The following MSH3 variants were observed in gnomAD, a reference collection of about 807,000 sequenced individuals.
The protein encoded by MSH3 is DNA mismatch repair protein Msh3.
In MSH3, 106 loss-of-function variants were observed where a neutral mutation model predicts 123.3. That is an observed-to-expected ratio of 0.86 (90% CI 0.73 to 1.01). The LOEUF (loss-of-function observed/expected upper bound fraction) is 1.01, where lower values mean the gene tolerates loss of function less well. MSH3 is among the 50% of genes least tolerant of loss of function. The pLI, the probability that MSH3 is intolerant of heterozygous loss-of-function variation, is 0.00. For synonymous variants in MSH3, 515 were observed against 481.4 expected (o/e 1.07, Z -0.91); for missense variants, 1,459 against 1,347.6 (o/e 1.08, Z -1.29).
chr5:80,686,349 G>A (rs951625285), intron 8 of MSH3, among the ~76,000 whole-genome samples: 5 of 150,730 alleles, frequency 3.3e-5, no homozygotes, highest in African/African-American at 1.2e-4. Context: ...GTCACCCAGG[G>A]GGCAGTGCAG....
At chr5:80,787,449 C>CCTGCTTG in intron 17 of MSH3, 116 bp from the exon 18 acceptor site, 1 of 766,558 alleles carries the variant, frequency 1.3e-6, no homozygotes, top group South Asian at 1.4e-5. Context: ...GTTAGGAATG[C>CCTGCTTG]CTGCTGATCA....
intron 3 of MSH3, among the ~76,000 whole-genome samples, chr5:80,666,953 A>G (rs1749587220): frequency 6.6e-6 from 1 of 152,240 alleles, no homozygotes. Context: ...AATGTATCTG[A>G]TGAGTATTTC....
rs26267 is a variant in MSH3 at position 80,744,855 on chromosome 5, T to G, written c.1763+240T>G. Among the ~76,000 whole-genome samples, 115,504 of 152,020 alleles carry G rather than the reference T, an allele frequency of 0.76. 43,992 individuals are homozygous for G. The highest frequency in any genetic ancestry group is 0.98 in the East Asian group (5,038 of 5,162). ...GGGCGTTGTCCCAGGAAAGTGAGGA[T>G]AGATGCCTTTTGTGGAGGGTTTTGA... On this transcript the variant is annotated intron_variant, in intron 12 of 23. Transcript: ENST00000265081.
intron 10 of MSH3, among the ~76,000 whole-genome samples, chr5:80,739,614 G>A (rs1466636251): frequency 6.6e-6 from 1 of 152,208 alleles, no homozygotes; most frequent in African/African-American, 2.4e-5. Flanking sequence ...ACCAGAGGGA[G>A]AGAAAGGGCT....
At chr5:80,690,302 T>TTTG (rs368913557) in intron 8 of MSH3, among the ~76,000 whole-genome samples, 5 of 152,024 alleles carry the variant, frequency 3.3e-5, no homozygotes, top group Middle Eastern at 3.4e-3. Flanking sequence ...CAGTTCCATT[T>TTTG]TTGTTGTTGT....
chr5:80,787,269 A>C (rs1290256990), intron 17 of MSH3, among the ~76,000 whole-genome samples: 1 of 152,246 alleles, frequency 6.6e-6, no homozygotes, highest in East Asian at 1.9e-4. Flanking sequence ...TATTTATGTT[A>C]TATCTTAAGT....
chr5:80,721,126 A>T (rs1401179871), intron 8 of MSH3, among the ~76,000 whole-genome samples: 6 of 152,120 alleles, frequency 3.9e-5, no homozygotes, highest in Non-Finnish European at 8.8e-5. Context: ...ATATATTAAA[A>T]TTTTTTGGCT....
chr5:80,823,667 C>G (rs1048011081), intron 20 of MSH3, among the ~76,000 whole-genome samples: 1 of 152,002 alleles, frequency 6.6e-6, no homozygotes, highest in Non-Finnish European at 1.5e-5. Flanking sequence ...ATGCCTGAAC[C>G]CTACCTCCAG....
At chr5:80,820,689 A>C (rs1339531986) in intron 20 of MSH3, among the ~76,000 whole-genome samples, 1 of 152,202 alleles carries the variant, frequency 6.6e-6, no homozygotes, top group East Asian at 1.9e-4. Flanking sequence ...AGCTTAACTA[A>C]GTTTTGCCAC....
Position 80,675,169 on chromosome 5 carries a change from T to C in MSH3, c.1173+41T>C, listed in dbSNP as rs754537091. 5.0e-6 allele frequency: 8 copies of C among 1,600,244 alleles called. No individual in the cohort carries two copies. In the East Asian group the frequency reaches 9.0e-5, roughly 18 times the overall value. On this transcript the variant is annotated intron_variant, in intron 7 of 23. Transcript: ENST00000265081. ...GTGAGGAACAAATGTTAGATGTTCA[T>C]GGTATCTCTAAATATGATCTATCAT... is the stretch of plus-strand genomic sequence containing the variant.
intron 8 of MSH3, among the ~76,000 whole-genome samples, chr5:80,682,744 T>C (rs960420497): frequency 3.3e-5 from 5 of 152,366 alleles, no homozygotes; most frequent in Admixed American, 3.3e-4. Flanking sequence ...TTATACTCTT[T>C]TAGTTATTTT....
At chr5:80,767,183 A>G (rs1455837771) in intron 13 of MSH3, among the ~76,000 whole-genome samples, 1 of 150,682 alleles carries the variant, frequency 6.6e-6, no homozygotes, top group Non-Finnish European at 1.5e-5. Flanking sequence ...CAGCGCTACT[A>G]TGAATATTCA....
At chr5:80,818,703 A>G (rs772483958) in intron 20 of MSH3, among the ~76,000 whole-genome samples, 1 of 152,254 alleles carries the variant, frequency 6.6e-6, no homozygotes, top group Non-Finnish European at 1.5e-5. Context: ...AAATGTTTAC[A>G]TATTAAATGA....
At chr5:80,872,983 T>C (rs1298387859) in intron 22 of MSH3, 133 bp from the exon 23 acceptor site, 3 of 820,136 alleles carry the variant, frequency 3.7e-6, no homozygotes, top group Non-Finnish European at 6.1e-6. Flanking sequence ...TAAATGGATC[T>C]AACAGGCAAG....
At position 80,675,029 on chromosome 5, in the gene MSH3, G is replaced by A. The variant is rs1444231656; in HGVS notation, c.1074G>A (p.Glu358=). The A allele has an allele frequency of 1.2e-6, 2 of 1,612,748 alleles. No homozygotes were observed. Among genetic ancestry groups the A allele is most frequent in the South Asian group, 1.1e-5 (1 of 91,044 alleles). The part of the protein sequence containing the change: ...IKLDDAVNVD[E]IMTDTSTSYL... ...TGGATGATGCTGTAAATGTTGATGA[G>A]ATAATGACTGATACTTCTACCAGCT... Residue 358 remains glutamate, a synonymous_variant, in exon 7 of 24, where the codon GAG becomes GAA. Transcript: ENST00000265081.
At position 80,768,111 on chromosome 5, in the gene MSH3, A is replaced by G. The variant is rs771378744; in HGVS notation, c.2075A>G (p.Gln692Arg). Reference protein sequence around the residue: ...VEHYLKILNEQAAKVGDKTEL... With the variant: ...VEHYLKILNERAAKVGDKTEL... The stretch of plus-strand genomic sequence containing the variant: ...CATTACTTAAAGATACTCAATGAAC[A>G]AGCTGCCAAGTAAGTACCAGACCCT... The change falls in exon 14 of 24, where the codon CAA (glutamine) becomes CGA (arginine). Residue 692 changes from glutamine (Q) to arginine (R), a missense_variant. Coordinates refer to ENST00000265081, the MANE Select transcript of MSH3 (RefSeq NM_002439.5). 8.1e-6 allele frequency: 13 copies of G among 1,613,630 alleles called. No individual in the cohort carries two copies. Among genetic ancestry groups the G allele is most frequent in the Non-Finnish European group, 1.0e-5 (12 of 1,179,598 alleles).
At chr5:80,860,911 A>G (rs1216887946) in intron 21 of MSH3, among the ~76,000 whole-genome samples, 1 of 152,168 alleles carries the variant, frequency 6.6e-6, no homozygotes, top group Non-Finnish European at 1.5e-5. Flanking sequence ...GATGTCCTCA[A>G]GCTCAGAGAT....
chr5:80,846,049 C>CT (rs1745714398), intron 20 of MSH3, among the ~76,000 whole-genome samples: 3 of 152,208 alleles, frequency 2.0e-5, no homozygotes, highest in African/African-American at 7.2e-5. Context: ...TTTTATCTAC[C>CT]TTTGTTCTTT....
chr5:80,813,805 A>G, intron 20 of MSH3, 64 bp downstream of exon 20: 1 of 1,566,520 alleles, frequency 6.4e-7, no homozygotes, highest in Admixed American at 1.7e-5. Context: ...TTATCGCATG[A>G]ATTTTCCTTT....
Sources: gnomAD v4.1 joint callset for allele counts (sites outside exome capture counted in the v4.1 genomes callset) on GRCh38, gnomAD v4.1.1 for gene constraint, MANE v1.5 for transcripts, NCBI Gene and HGNC (gene_info 2026-07-23, HGNC 2026-07-21) for gene names.